Variants in IL11 observed in about 807,000 individuals in gnomAD.
IL11 encodes the protein interleukin 11.
IL11 carries 17 observed loss-of-function variants against 18.1 expected under a neutral mutation model. The observed-to-expected ratio is 0.94, with a 90% CI of 0.64 to 1.41. IL11 has a LOEUF of 1.41. Among genes scored for constraint, IL11 ranks in the 40% most tolerant of loss-of-function variants. IL11 has a pLI of 0.00. For missense variants in IL11, 309 were observed against 262.8 expected (o/e 1.18, Z -1.22); for synonymous variants, 144 against 134.1 (o/e 1.07, Z -0.51).
In IL11 at chr19:55,368,548, C is replaced by T. The variant is rs748079395; in HGVS notation, c.202G>A (p.Gly68Arg). The change falls in exon 3 of 5, where the codon GGG becomes AGG. Residue 68 changes from glycine (G) to arginine (R), a missense_variant. By Grantham distance (125) the Gly-to-Arg change is moderately radical. Coordinates refer to ENST00000264563, the MANE Select transcript of IL11 (RefSeq NM_000641.4). ...AQLRDKFPAD[G>R]DHNLDSLPTL... ...GGCAGGGAATCCAGGTTGTGGTCCCCGTCAGCTGGGAATTTGTCCCTCTGG... is the reference window on the plus strand; with the variant it reads ...GGCAGGGAATCCAGGTTGTGGTCCCTGTCAGCTGGGAATTTGTCCCTCTGG... 13 of 1,612,492 alleles carry T rather than the reference C, an allele frequency of 8.1e-6. No homozygotes were observed. The highest frequency in any genetic ancestry group is 4.5e-5 in the East Asian group (2 of 44,866).
At chr19:55,367,288 G>A (rs1376905836) in intron 4 of IL11, among the ~76,000 whole-genome samples, 2 of 151,676 alleles carry the variant, frequency 1.3e-5, no homozygotes. Context: ...CTCAGGGCTC[G>A]GGGTCTAGGT....
Position 55,368,377 on chromosome 19 carries a change from G to T in IL11, c.268-6C>A. 1 of 1,592,988 alleles carries T rather than the reference G, an allele frequency of 6.3e-7. No individual in the cohort carries two copies. The highest frequency in any genetic ancestry group is 8.6e-7 in the Non-Finnish European group (1 of 1,164,624). ...CTTGTCAGCACACCTGGGAGCTGGG[G>T]ATAGAGCCGGGACATCAGAGAACAC... is the stretch of plus-strand genomic sequence containing the variant. On this transcript the variant is annotated splice_polypyrimidine_tract_variant and splice_region_variant and intron_variant, in intron 3 of 4. Coordinates refer to ENST00000264563, the MANE Select transcript of IL11 (RefSeq NM_000641.4).
chr19:55,368,716 C>T, intron 2 of IL11, 53 bp downstream of exon 2: 1 of 1,525,886 alleles, frequency 6.6e-7, no homozygotes, highest in Non-Finnish European at 8.9e-7. Context: ...AGACTCCTCT[C>T]CGTTCCTCTC....
intron 4 of IL11, among the ~76,000 whole-genome samples, chr19:55,367,126 T>C (rs1044775249): frequency 5.9e-5 from 9 of 152,144 alleles, no homozygotes; most frequent in East Asian, 3.9e-4. Context: ...AGATCCAGGG[T>C]CTTTGGAGTT....
Position 55,369,041 on chromosome 19 carries a change from T to G in IL11, c.8-100A>C. On this transcript the variant is annotated intron_variant, in intron 1 of 4. Coordinates refer to ENST00000264563, the MANE Select transcript of IL11 (RefSeq NM_000641.4). This position sits in a 1 kb window ranked among gnomAD's most constrained non-coding sequence, Gnocchi z 6.1. ...GGGTCTGAGGGAGGAGGAACTGGGG[T>G]CTGGACTCCTCCTGGGTCTGAGGGA... 9.2e-7 allele frequency: 1 copy of G among 1,082,852 alleles called. No homozygotes were observed. Among genetic ancestry groups the G allele is most frequent in the Non-Finnish European group, 1.3e-6 (1 of 775,450 alleles). The allele number at this position is 1,082,852 out of a possible 1,614,324, so 67.1% of individuals were successfully genotyped here.
chr19:55,365,903 A>C lies in IL11; in HGVS notation c.*104T>G, dbSNP rs1345212684. On this transcript the variant is annotated 3_prime_UTR_variant, in exon 5 of 5. Coordinates refer to ENST00000264563, the MANE Select transcript of IL11 (RefSeq NM_000641.4). Reference sequence around the variant, plus strand: ...GGAAGGACTGTCTCTAACTAGGGGGAGATAATGGCGGGGGGATCACCTGGC... The same window carrying C: ...GGAAGGACTGTCTCTAACTAGGGGGCGATAATGGCGGGGGGATCACCTGGC... 3 of 1,506,238 alleles carry C rather than the reference A, an allele frequency of 2.0e-6. No individual in the cohort carries two copies. Among genetic ancestry groups the C allele is most frequent in the Non-Finnish European group, 2.7e-6 (3 of 1,114,800 alleles). 93.3% of individuals were successfully genotyped at this position (1,506,238 alleles called of 1,614,324 possible). A position where few individuals can be genotyped will look rare whatever the true frequency, so the allele number is the denominator to read the frequency against.
intron 4 of IL11, 145 bp downstream of exon 4, chr19:55,368,065 T>G (rs2089796468): frequency 3.0e-6 from 2 of 674,656 alleles, no homozygotes; most frequent in South Asian, 3.8e-5. Context: ...TGTCAGGGTC[T>G]CAGAGCGGGC....
Position 55,368,718 on chromosome 19 carries a change from G to T in IL11, c.180+51C>A, listed in dbSNP as rs531922469. On this transcript the variant is annotated intron_variant, in intron 2 of 4. Transcript: ENST00000264563. ...AGTGGCTGCCCGCAGACTCCTCTCC[G>T]TTCCTCTCTGCCTCTCACTCCTGTG... The T allele has an allele frequency of 6.6e-6, 10 of 1,526,098 alleles. No homozygotes were observed. In the South Asian group the frequency reaches 8.5e-5, roughly 13 times the overall value. 94.5% of individuals were successfully genotyped at this position (1,526,098 alleles called of 1,614,324 possible).
At position 55,370,417 on chromosome 19, in the gene IL11, G is replaced by C; in HGVS notation, c.-107C>G. 1 of 899,670 alleles carries C rather than the reference G, an allele frequency of 1.1e-6. No individual in the cohort carries two copies. Among genetic ancestry groups the C allele is most frequent in the Non-Finnish European group, 1.6e-6 (1 of 639,884 alleles). 55.7% of individuals were successfully genotyped at this position (899,670 alleles called of 1,614,324 possible). ...AGCCCCGAGGGTCAGCTGGGCCGCG[G>C]CCTGGGGAGGGGAGGCATGTGCCCT... On this transcript the variant is annotated 5_prime_UTR_variant, in exon 1 of 5. Transcript: ENST00000264563.
At chr19:55,367,739 C>T (rs1432918758) in intron 4 of IL11, among the ~76,000 whole-genome samples, 3 of 152,002 alleles carry the variant, frequency 2.0e-5, no homozygotes, top group Non-Finnish European at 2.9e-5. Flanking sequence ...GGATTACAGG[C>T]GTGAGCCACC....
chr19:55,366,189 G>C lies in IL11; in HGVS notation c.430-12C>G. 1.4e-6 allele frequency: 2 copies of C among 1,473,726 alleles called. No homozygotes were observed. Among genetic ancestry groups the C allele is most frequent in the Non-Finnish European group, 1.8e-6 (2 of 1,112,422 alleles). The allele number at this position is 1,473,726 out of a possible 1,614,324, so 91.3% of individuals were successfully genotyped here. A position where few individuals can be genotyped will look rare whatever the true frequency, so the allele number is the denominator to read the frequency against. ...GCCAGGCGGGACATCTGTGGGGAGA[G>C]GAGAGAGGTGAGTCACAGGTAGGGG... On this transcript the variant is annotated splice_polypyrimidine_tract_variant and intron_variant, in intron 4 of 4. Transcript: ENST00000264563. The surrounding 1 kb of genome is among the most constrained non-coding windows in gnomAD (Gnocchi z 4.6).
chr19:55,368,075 C>A (rs531450720), intron 4 of IL11, 135 bp downstream of exon 4: 31 of 716,326 alleles, frequency 4.3e-5, no homozygotes, highest in Admixed American at 1.4e-4. Context: ...TCAGAGCGGG[C>A]TGTTAGGGTG....
Position 55,366,282 on chromosome 19 carries a change from G to A in IL11, c.430-105C>T, listed in dbSNP as rs934680323. On this transcript the variant is annotated intron_variant, in intron 4 of 4. Transcript: ENST00000264563. The surrounding 1 kb of genome is among the most constrained non-coding windows in gnomAD (Gnocchi z 4.6). ...TGAATCGGGGCTGCATATTCACAGG[G>A]GGACTGTGGCGCGTGGGGTGAAGTG... 3 of 1,250,510 alleles carry A rather than the reference G, an allele frequency of 2.4e-6. No individual in the cohort carries two copies. The highest frequency in any genetic ancestry group is 3.1e-5 in the African/African-American group (2 of 63,998). 77.5% of individuals were successfully genotyped at this position (1,250,510 alleles called of 1,614,324 possible). A position where few individuals can be genotyped will look rare whatever the true frequency, so the allele number is the denominator to read the frequency against.
In IL11 at chr19:55,368,854, GA is replaced by G; in HGVS notation, c.94del (p.Ser32ProfsTer14). 1 of 1,583,442 alleles carries G rather than the reference GA, an allele frequency of 6.3e-7. No homozygotes were observed. Among genetic ancestry groups the G allele is most frequent in the Non-Finnish European group, 8.6e-7 (1 of 1,165,088 alleles). ...PGPPPGPPRV[S>X]PDPRAELDST... ...GTCCAGCTCGGCCCGAGGGTCTGGG[GA>G]AACTCGAGGGGGGCCAGGTGGTGGC... is the stretch of plus-strand genomic sequence containing the variant. On this transcript the variant is annotated frameshift_variant, in exon 2 of 5. Transcript: ENST00000264563. LOFTEE classifies it high-confidence loss of function.
In IL11 at chr19:55,365,578, A is replaced by G. The variant is rs10402868; in HGVS notation, c.*429T>C. The G allele has an allele frequency of 5.3e-6, 1 of 187,428 alleles. No individual in the cohort carries two copies. The highest frequency in any genetic ancestry group is 6.0e-5 in the Admixed American group (1 of 16,738). 11.6% of individuals were successfully genotyped at this position (187,428 alleles called of 1,614,324 possible). Reference sequence around the variant, plus strand: ...CAAGTGGATATGTATGACACATTTAATTCCCTGTTCTCTGTCTCACAAAGG... The same window carrying G: ...CAAGTGGATATGTATGACACATTTAGTTCCCTGTTCTCTGTCTCACAAAGG... On this transcript the variant is annotated 3_prime_UTR_variant, in exon 5 of 5. Transcript: ENST00000264563.
At position 55,369,776 on chromosome 19, in the gene IL11, C is replaced by A. The variant is rs1439513670; in HGVS notation, c.7+528G>T. ...CAGCCCGCCCCCCGGGCCCGCCAGC[C>A]GTCGGTCTGTCCGCGCCTCCGTCGG... On this transcript the variant is annotated intron_variant, in intron 1 of 4. Transcript: ENST00000264563. This position sits in a 1 kb window ranked among gnomAD's most constrained non-coding sequence, Gnocchi z 6.1. 3.3e-5 allele frequency among the ~76,000 whole-genome samples: 5 copies of A among 150,898 alleles called. No individual in the cohort carries two copies. Among genetic ancestry groups the A allele is most frequent in the Admixed American group, 2.0e-4 (3 of 15,210 alleles).
At chr19:55,367,197 G>T (rs977550160) in intron 4 of IL11, among the ~76,000 whole-genome samples, 2 of 152,122 alleles carry the variant, frequency 1.3e-5, no homozygotes, top group Non-Finnish European at 2.9e-5. Flanking sequence ...GGCTTTGGAA[G>T]TGAGGGTCTT....
chr19:55,368,599 C>T (rs2089801266), intron 2 of IL11, 30 bp from the exon 3 acceptor site: 2 of 1,576,642 alleles, frequency 1.3e-6, no homozygotes, highest in African/African-American at 1.3e-5. Context: ...TGAGGTGGCC[C>T]CTGCCCAGCC....
chr19:55,366,204 A>G lies in IL11; in HGVS notation c.430-27T>C. The G allele has an allele frequency of 6.8e-7, 1 of 1,460,774 alleles. No homozygotes were observed. The allele number at this position is 1,460,774 out of a possible 1,614,324, so 90.5% of individuals were successfully genotyped here. Reference sequence around the variant, plus strand: ...TGTGGGGAGAGGAGAGAGGTGAGTCACAGGTAGGGGGTGCAGCGGGGGTGC... The same window carrying G: ...TGTGGGGAGAGGAGAGAGGTGAGTCGCAGGTAGGGGGTGCAGCGGGGGTGC... On this transcript the variant is annotated intron_variant, in intron 4 of 4. Transcript: ENST00000264563. This position sits in a 1 kb window ranked among gnomAD's most constrained non-coding sequence, Gnocchi z 4.6.
Sources: allele counts gnomAD v4.1 joint callset (sites outside exome capture counted in the v4.1 genomes callset), GRCh38; gene constraint gnomAD v4.1.1; non-coding constraint Gnocchi (gnomAD v3.1); transcripts MANE v1.5; gene names NCBI Gene and HGNC (gene_info 2026-07-23, HGNC 2026-07-21).